VARS1: variants seen among roughly 807,000 people sequenced by gnomAD.
VARS1 encodes valyl-tRNA synthetase 1.
VARS1 carries 92 observed loss-of-function variants against 161.0 expected under a neutral mutation model. The observed-to-expected ratio is 0.57, with a 90% CI of 0.48 to 0.68. The LOEUF is 0.68. Among genes scored for constraint, VARS1 ranks in the 30% least tolerant of loss-of-function variants. VARS1 has a pLI of 0.00. For synonymous variants in VARS1, 595 were observed against 682.5 expected, an observed-to-expected ratio of 0.87 and a Z score of 2.00; for missense variants, 1,338 against 1,695.9, an observed-to-expected ratio of 0.79 and a Z score of 3.71.
Position 31,781,043 on chromosome 6 carries a change from G to C in VARS1, c.2625C>G (p.Asp875Glu), listed in dbSNP as rs707926. The C allele has an allele frequency of 1.2e-6, 2 of 1,613,762 alleles. No individual in the cohort carries two copies. ...CCTGCAGGGAGATTCCATAGATGACGTCCAGGGGATCGATGACATTGCCTA... is the reference window on the plus strand; with the variant it reads ...CCTGCAGGGAGATTCCATAGATGACCTCCAGGGGATCGATGACATTGCCTA... ...KSLGNVIDPL[D>E]VIYGISLQGL... Residue 875 changes from aspartate to glutamate, a missense_variant, in exon 22 of 30, where the codon GAC becomes GAG. Coordinates refer to ENST00000375663, the MANE Select transcript of VARS1 (RefSeq NM_006295.3). The surrounding 1 kb of genome is among the most constrained non-coding windows in gnomAD (Gnocchi z 6.8).
At chr6:31,789,802 C>T (rs921772987) in intron 8 of VARS1, among the ~76,000 whole-genome samples, 3 of 151,644 alleles carry the variant, frequency 2.0e-5, no homozygotes, top group South Asian at 2.1e-4. Context: ...GGGCGGATCA[C>T]GAGGTCAGGA....
At chr6:31,790,602 C>CAAAAA (rs9279419) in intron 8 of VARS1, among the ~76,000 whole-genome samples, 24 of 43,416 alleles carry the variant, frequency 5.5e-4, no homozygotes, top group South Asian at 1.4e-3. Flanking sequence ...AACTCTGTCT[C>CAAAAA]AAAAAAAAAA....
chr6:31,791,689 T>C lies in VARS1; in HGVS notation c.1021A>G (p.Ile341Val). 6.2e-7 allele frequency: 1 copy of C among 1,612,964 alleles called. No individual in the cohort carries two copies. The highest frequency in any genetic ancestry group is 1.1e-5 in the South Asian group (1 of 91,084). The change falls in exon 8 of 30, where the codon ATC becomes GTC. Residue 341 changes from isoleucine to valine, a missense_variant. By Grantham distance (29) the Ile-to-Val change is conservative. Transcript: ENST00000375663. The surrounding 1 kb of genome is among the most constrained non-coding windows in gnomAD (Gnocchi z 5.0). ...GAGCCTGTCACATTGGGGGGTGGGA[T>C]GCACATCATGAAGACACCTCGGGGA... ...ANPRGVFMMC[I>V]PPPNVTGSLH...
chr6:31,782,053 G>T lies in VARS1; in HGVS notation c.2241+34C>A. On this transcript the variant is annotated intron_variant, in intron 18 of 29. Coordinates refer to ENST00000375663, the MANE Select transcript of VARS1 (RefSeq NM_006295.3). This position sits in a 1 kb window ranked among gnomAD's most constrained non-coding sequence, Gnocchi z 8.3. ...CCAGTAAACCCACCACTCCAGCAGG[G>T]TGTCCCAGCAGCTAGCTCTGGCCCT... The T allele has an allele frequency of 6.2e-7, 1 of 1,612,408 alleles. No homozygotes were observed. The highest frequency in any genetic ancestry group is 8.5e-7 in the Non-Finnish European group (1 of 1,179,074).
chr6:31,781,071 G>C lies in VARS1; in HGVS notation c.2597C>G (p.Ser866Cys), dbSNP rs1182485353. ...RDAHGRKMSKSLGNVIDPLDV... is the reference protein window; with the variant it reads ...RDAHGRKMSKCLGNVIDPLDV... ...CAGGGGATCGATGACATTGCCTAGA[G>C]ACTTGCTCATCTTCCGGCCGTGAGC... Residue 866 changes from serine (S) to cysteine (C), a missense_variant, in exon 22 of 30, where the codon TCT (serine) becomes TGT (cysteine). Ser to Cys is a moderately radical substitution (Grantham distance 112). This residue lies in a region of VARS1 where 433 missense variants were observed against 586.2 expected (regional missense o/e 0.74). Coordinates refer to ENST00000375663, the MANE Select transcript of VARS1 (RefSeq NM_006295.3). This position sits in a 1 kb window ranked among gnomAD's most constrained non-coding sequence, Gnocchi z 6.8. The C allele has an allele frequency of 3.7e-6, 6 of 1,613,578 alleles. No individual in the cohort carries two copies. In the African/African-American group the frequency reaches 8.0e-5, roughly 22 times the overall value.
Position 31,791,020 on chromosome 6 carries a change from G to A in VARS1, c.1100+590C>T, listed in dbSNP as rs115635569. On this transcript the variant is annotated intron_variant, in intron 8 of 29. Transcript: ENST00000375663. The surrounding 1 kb of genome is among the most constrained non-coding windows in gnomAD (Gnocchi z 5.0). ...ATATATTTTGGTCAGTTGTGGTGGC[G>A]CATTCCTGTAATCCCAGCTACTTGG... Among the ~76,000 whole-genome samples, 201 of 151,720 alleles carry A rather than the reference G, an allele frequency of 1.3e-3. No individual in the cohort carries two copies. The highest frequency in any genetic ancestry group is 4.7e-3 in the African/African-American group (196 of 41,352).
chr6:31,793,823 C>G (rs1814061842), intron 2 of VARS1, among the ~76,000 whole-genome samples: 1 of 151,924 alleles, frequency 6.6e-6, no homozygotes, highest in Non-Finnish European at 1.5e-5. Context: ...GGAACAGGGG[C>G]CAGGCGTGGT....
In VARS1 at chr6:31,785,265, G is replaced by T. The variant is rs567259873; in HGVS notation, c.1328C>A (p.Ala443Asp). 6.2e-7 allele frequency: 1 copy of T among 1,613,086 alleles called. No individual in the cohort carries two copies. Among genetic ancestry groups the T allele is most frequent in the Admixed American group, 1.7e-5 (1 of 60,026 alleles). The stretch of plus-strand genomic sequence containing the variant: ...ACGCACAGGGTCCATGGTGAAACAG[G>T]CTCGATCCCAGTCCAAGGAGCTGCC... ...KLGSSLDWDR[A>D]CFTMDPKLSA... The change falls in exon 10 of 30, where the codon GCC becomes GAC. Residue 443 changes from alanine (A) to aspartate (D), a missense_variant. By Grantham distance (126) the Ala-to-Asp change is moderately radical. Coordinates refer to ENST00000375663, the MANE Select transcript of VARS1 (RefSeq NM_006295.3). This position sits in a 1 kb window ranked among gnomAD's most constrained non-coding sequence, Gnocchi z 6.1.
chr6:31,787,696 G>A (rs1404855827), intron 8 of VARS1, among the ~76,000 whole-genome samples: 1 of 151,816 alleles, frequency 6.6e-6, no homozygotes, highest in Non-Finnish European at 1.5e-5. Flanking sequence ...AAACTTGGAG[G>A]CCAGGTATGG....
In VARS1 at chr6:31,783,119, A is replaced by G; in HGVS notation, c.1739T>C (p.Phe580Ser). ...SRSLPIVFDE[F>S]VDMDFGTGAV... is the part of the protein sequence containing the mutation. ...ACCTGTGCCAAAGTCCATGTCCACA[A>G]ATTCATCGAAGACAATGGGAAGGCT... Residue 580 changes from phenylalanine to serine, a missense_variant, in exon 14 of 30, where the codon TTT (phenylalanine) becomes TCT (serine). Phe to Ser is a radical substitution (Grantham distance 155, BLOSUM62 -2). Around this residue, in one of 3 missense-constraint regions of VARS1, gnomAD observed 902 missense variants for 1,090.3 expected, o/e 0.83. Coordinates refer to ENST00000375663, the MANE Select transcript of VARS1 (RefSeq NM_006295.3). 1 of 1,612,712 alleles carries G rather than the reference A, an allele frequency of 6.2e-7. No individual in the cohort carries two copies. Among genetic ancestry groups the G allele is most frequent in the Admixed American group, 1.7e-5 (1 of 59,984 alleles).
At position 31,785,371 on chromosome 6, in the gene VARS1, A is replaced by G. The variant is rs1813428582; in HGVS notation, c.1266-44T>C. On this transcript the variant is annotated intron_variant, in intron 9 of 29. Coordinates refer to ENST00000375663, the MANE Select transcript of VARS1 (RefSeq NM_006295.3). This position sits in a 1 kb window ranked among gnomAD's most constrained non-coding sequence, Gnocchi z 6.1. ...AGGTCAGCACTCGTGCCTGGGCTAG[A>G]GGGAGACATCAGGTGGCTGACTGGG... 6.2e-7 allele frequency: 1 copy of G among 1,610,642 alleles called. No individual in the cohort carries two copies. The highest frequency in any genetic ancestry group is 1.1e-5 in the South Asian group (1 of 90,932).
In VARS1 at chr6:31,784,835, T is replaced by C. The variant is rs1813397225; in HGVS notation, c.1348-121A>G. The C allele has an allele frequency of 1.4e-6, 2 of 1,418,560 alleles. No individual in the cohort carries two copies. The highest frequency in any genetic ancestry group is 1.9e-6 in the Non-Finnish European group (2 of 1,043,438). The allele number at this position is 1,418,560 out of a possible 1,614,324, so 87.9% of individuals were successfully genotyped here. A position where few individuals can be genotyped will look rare whatever the true frequency, so the allele number is the denominator to read the frequency against. On this transcript the variant is annotated intron_variant, in intron 10 of 29. Coordinates refer to ENST00000375663, the MANE Select transcript of VARS1 (RefSeq NM_006295.3). This position sits in a 1 kb window ranked among gnomAD's most constrained non-coding sequence, Gnocchi z 6.1. Reference sequence around the variant, plus strand: ...TCCCACTGGCCAGCACAAAGACCCCTCTGAGGGGAGTACTTTCCTTCTTTC... The same window carrying C: ...TCCCACTGGCCAGCACAAAGACCCCCCTGAGGGGAGTACTTTCCTTCTTTC...
Position 31,782,557 on chromosome 6 carries a change from T to C in VARS1, c.1964A>G (p.Asp655Gly), listed in dbSNP as rs759487566. The C allele has an allele frequency of 6.2e-7, 1 of 1,613,014 alleles. No homozygotes were observed. The highest frequency in any genetic ancestry group is 1.1e-5 in the South Asian group (1 of 91,080). ...GCAAAGTGGCACCACCATGGGGTTG[T>C]CCTCAATGCCACGGAACAGTCCCCG... is the stretch of plus-strand genomic sequence containing the variant. Reference protein sequence around the residue: ...KERGLFRGIEDNPMVVPLCNR... With the variant: ...KERGLFRGIEGNPMVVPLCNR... The change falls in exon 16 of 30, where the codon GAC becomes GGC. Residue 655 changes from aspartate (D) to glycine (G), a missense_variant. Physicochemically the swap from Asp to Gly is moderately conservative, Grantham distance 94. Coordinates refer to ENST00000375663, the MANE Select transcript of VARS1 (RefSeq NM_006295.3). This position sits in a 1 kb window ranked among gnomAD's most constrained non-coding sequence, Gnocchi z 8.3.
At chr6:31,789,418 T>C (rs1037164988) in intron 8 of VARS1, among the ~76,000 whole-genome samples, 1 of 152,150 alleles carries the variant, frequency 6.6e-6, no homozygotes, top group Non-Finnish European at 1.5e-5. Flanking sequence ...AGAGGTATTT[T>C]TTTGCCCATC....
chr6:31,792,576 C>T, intron 4 of VARS1, 60 bp from the exon 5 acceptor site: 1 of 1,611,166 alleles, frequency 6.2e-7, no homozygotes, highest in South Asian at 1.1e-5. Flanking sequence ...GACGGCCATA[C>T]TAGGTTTCAG....
At position 31,785,151 on chromosome 6, in the gene VARS1, G is replaced by T; in HGVS notation, c.1347+95C>A. 6.8e-7 allele frequency: 1 copy of T among 1,464,582 alleles called. No homozygotes were observed. The highest frequency in any genetic ancestry group is 1.7e-5 in the Admixed American group (1 of 57,162). 90.7% of individuals were successfully genotyped at this position (1,464,582 alleles called of 1,614,324 possible). A position where few individuals can be genotyped will look rare whatever the true frequency, so the allele number is the denominator to read the frequency against. On this transcript the variant is annotated intron_variant, in intron 10 of 29. Transcript: ENST00000375663. This position sits in a 1 kb window ranked among gnomAD's most constrained non-coding sequence, Gnocchi z 6.1. ...TGGTGTTTTACATGGGCCAGCTCCT[G>T]AGAGAGGGCCACAACACCTCTGCTT...
chr6:31,786,768 A>G (rs531328040), intron 8 of VARS1, among the ~76,000 whole-genome samples: 1 of 152,156 alleles, frequency 6.6e-6, no homozygotes, highest in East Asian at 1.9e-4. Context: ...ACAGGAACAA[A>G]ATAGTACCTG....
intron 14 of VARS1, 34 bp downstream of exon 14, chr6:31,783,062 T>C (rs1271362351): frequency 6.2e-7 from 1 of 1,608,244 alleles, no homozygotes; most frequent in Non-Finnish European, 8.5e-7. Context: ...GCTCCAGTCT[T>C]TTCCTCTCCC....
chr6:31,782,356 C>T lies in VARS1; in HGVS notation c.2079G>A (p.Val693=). 6.2e-7 allele frequency: 1 copy of T among 1,612,834 alleles called. No individual in the cohort carries two copies. Among genetic ancestry groups the T allele is most frequent in the South Asian group, 1.1e-5 (1 of 91,038 alleles). The change falls in exon 17 of 30, where the codon GTG becomes GTA. Residue 693 remains valine (V), a synonymous_variant. Coordinates refer to ENST00000375663, the MANE Select transcript of VARS1 (RefSeq NM_006295.3). This position sits in a 1 kb window ranked among gnomAD's most constrained non-coding sequence, Gnocchi z 8.3. ...GCAGGATGCGGAGGTCACCCCGAGT[C>T]ACAGCGGCGCTGGCAGCCTGGGCCA... is the stretch of plus-strand genomic sequence containing the variant. The part of the protein sequence containing the change: ...GEMAQAASAA[V]TRGDLRILPE...
Sources: gnomAD v4.1 joint callset for allele counts (sites outside exome capture counted in the v4.1 genomes callset) on GRCh38, gnomAD v4.1.1 for gene constraint, gnomAD v4.1.1 regional missense constraint, Gnocchi (gnomAD v3.1) non-coding constraint, MANE v1.5 for transcripts, NCBI Gene and HGNC (gene_info 2026-07-23, HGNC 2026-07-21) for gene names.